The following PLEKHM2 variants were observed in gnomAD, a reference collection of about 807,000 sequenced individuals.
The protein encoded by PLEKHM2 is pleckstrin homology domain-containing family M member 2.
A neutral mutation model predicts 116.3 loss-of-function variants in PLEKHM2; 77 were observed. That is an observed-to-expected ratio of 0.66 (90% confidence interval 0.55 to 0.80). PLEKHM2 has a LOEUF of 0.80. Ranked by LOEUF, PLEKHM2 falls within the 30% of genes least tolerant of loss-of-function variation. PLEKHM2 has a pLI of 0.00. For synonymous variants in PLEKHM2, 562 were observed against 571.0 expected (o/e 0.98, Z 0.22); for missense variants, 1,183 against 1,354.9 (o/e 0.87, Z 1.99).
rs377297774 is a variant in PLEKHM2 at position 15,729,084 on chromosome 1, C to T, written c.1987-18C>T. 496 of 1,598,062 alleles carry T rather than the reference C, an allele frequency of 3.1e-4. 2 individuals carry two copies. Among genetic ancestry groups the T allele is most frequent in the African/African-American group, 2.9e-3 (217 of 74,750 alleles). ...GCAGCTAAGCCCCAAGTGCATGTCA[C>T]GGTGTGGTTTCTGGCAGGTTGGCCT... On this transcript the variant is annotated intron_variant, in intron 12 of 19. Transcript: ENST00000375799. This position sits in a 1 kb window ranked among gnomAD's most constrained non-coding sequence, Gnocchi z 4.7.
intron 1 of PLEKHM2, among the ~76,000 whole-genome samples, chr1:15,711,342 G>A (rs1009211498): frequency 3.9e-5 from 6 of 151,928 alleles, no homozygotes; most frequent in Admixed American, 1.3e-4. Context: ...GTGGCCAACC[G>A]TGGTGGCTCA....
intron 1 of PLEKHM2, among the ~76,000 whole-genome samples, chr1:15,710,787 G>A (rs12760450): frequency 0.37 from 55,874 of 152,166 alleles, 13,407 homozygotes; most frequent in African/African-American, 0.68. Flanking sequence ...TTACATCACA[G>A]ATCAGCCAGG....
intron 1 of PLEKHM2, among the ~76,000 whole-genome samples, chr1:15,705,168 A>C (rs1571035898): frequency 8.4e-6 from 1 of 118,974 alleles, no homozygotes; most frequent in Non-Finnish European, 1.7e-5. Flanking sequence ...CCACGTAGAT[A>C]TCTTTTTTTT....
intron 1 of PLEKHM2, among the ~76,000 whole-genome samples, chr1:15,692,297 C>G (rs1018616162): frequency 2.0e-5 from 3 of 151,916 alleles, no homozygotes; most frequent in Non-Finnish European, 2.9e-5. Context: ...GTCACCAGGA[C>G]AAAGATTTAC....
intron 1 of PLEKHM2, among the ~76,000 whole-genome samples, chr1:15,708,801 T>C (rs889510873): frequency 2.1e-4 from 32 of 152,296 alleles, no homozygotes; most frequent in African/African-American, 7.7e-4. Context: ...GTTTAAAATC[T>C]GTCTCTGCCC....
intron 1 of PLEKHM2, among the ~76,000 whole-genome samples, chr1:15,698,696 C>T (rs1017408648): frequency 3.3e-5 from 5 of 151,608 alleles, no homozygotes; most frequent in Admixed American, 6.6e-5. Flanking sequence ...TACAGGTGCG[C>T]ACCACCACAC....
At chr1:15,716,033 G>C (rs1472881142) in intron 1 of PLEKHM2, among the ~76,000 whole-genome samples, 3 of 152,338 alleles carry the variant, frequency 2.0e-5, no homozygotes, top group Admixed American at 2.0e-4. Flanking sequence ...GGGGGACTGG[G>C]CTGTAAAGAT....
At chr1:15,731,114 G>A (rs930005186) in intron 15 of PLEKHM2, 78 bp from the exon 16 acceptor site, 1 of 1,046,682 alleles carries the variant, frequency 9.6e-7, no homozygotes, top group African/African-American at 1.6e-5. Flanking sequence ...TGCGTGGGAG[G>A]GGAACCCTGG....
rs750343422 is a variant in PLEKHM2 at position 15,732,543 on chromosome 1, G to A, written c.2805+14G>A. On this transcript the variant is annotated intron_variant, in intron 18 of 19. Transcript: ENST00000375799. ...TACTGCGTCTTGGTGAGCTTTGAGT[G>A]GGGGCGGGGCTGCAAGGCCTGCAGA... 7 of 1,607,792 alleles carry A rather than the reference G, an allele frequency of 4.4e-6. No homozygotes were observed. In the Admixed American group the frequency reaches 6.8e-5, roughly 16 times the overall value.
intron 1 of PLEKHM2, among the ~76,000 whole-genome samples, chr1:15,695,960 G>A (rs957168371): frequency 2.1e-5 from 3 of 144,904 alleles, no homozygotes; most frequent in Non-Finnish European, 4.5e-5. Context: ...GCACCACCAC[G>A]TCCAACTAAT....
In PLEKHM2 at chr1:15,731,931, TC is replaced by T; in HGVS notation, c.2509del (p.Arg837GlyfsTer17). 1 of 1,611,420 alleles carries T rather than the reference TC, an allele frequency of 6.2e-7. No individual in the cohort carries two copies. The highest frequency in any genetic ancestry group is 8.5e-7 in the Non-Finnish European group (1 of 1,179,320). On this transcript the variant is annotated frameshift_variant, in exon 17 of 20. Transcript: ENST00000375799. LOFTEE classifies it high-confidence loss of function. ...GCTGCCGGAGAGCCAACACCACGGA[TC>T]GGCCCCACGCCTTCCAGGTCATTCT... ...GGCRRANTTD[R>X]PHAFQVILSD...
chr1:15,734,089 C>T lies in PLEKHM2; in HGVS notation c.*155C>T, dbSNP rs754045311. 56 of 800,510 alleles carry T rather than the reference C, an allele frequency of 7.0e-5. No homozygotes were observed. The highest frequency in any genetic ancestry group is 1.0e-4 in the Non-Finnish European group (55 of 527,006). The allele number at this position is 800,510 out of a possible 1,614,324, so 49.6% of individuals were successfully genotyped here. On this transcript the variant is annotated 3_prime_UTR_variant, in exon 20 of 20. Transcript: ENST00000375799. ...AGTGTGGCTTAAGACAGGGTCCCTC[C>T]ACTCCAGGGATCCAGATCAGGTGCC...
intron 8 of PLEKHM2, 152 bp downstream of exon 8, chr1:15,725,697 T>C (rs1394157797): frequency 1.6e-6 from 1 of 616,650 alleles, no homozygotes; most frequent in Non-Finnish European, 2.9e-6. Flanking sequence ...GGAGGTTCTT[T>C]GAGCAAGAGG....
chr1:15,695,983 T>A (rs1233841815), intron 1 of PLEKHM2, among the ~76,000 whole-genome samples: 141 of 65,072 alleles, frequency 2.2e-3, no homozygotes, highest in Middle Eastern at 6.4e-3. Flanking sequence ...TTTCTATATT[T>A]TTTTTTTTTT....
intron 1 of PLEKHM2, among the ~76,000 whole-genome samples, chr1:15,701,524 T>G (rs978899202): frequency 6.6e-6 from 1 of 152,116 alleles, no homozygotes; most frequent in Non-Finnish European, 1.5e-5. Flanking sequence ...GCACGGTGGC[T>G]CACGCCTGTA....
intron 5 of PLEKHM2, 145 bp downstream of exon 5, chr1:15,718,770 C>G: frequency 3.2e-6 from 2 of 619,314 alleles, no homozygotes. Context: ...TTTTTTTGGG[C>G]GAGGGAAAGG....
intron 6 of PLEKHM2, chr1:15,720,967 G>A (rs1451250756): frequency 5.3e-6 from 1 of 187,050 alleles, no homozygotes; most frequent in East Asian, 1.4e-4. Context: ...TGCAACTGCA[G>A]CTGCCAGGGC....
chr1:15,692,715 G>A (rs927972630), intron 1 of PLEKHM2, among the ~76,000 whole-genome samples: 5 of 151,702 alleles, frequency 3.3e-5, no homozygotes, highest in African/African-American at 7.3e-5. Context: ...GGGGTTACAG[G>A]TGCAAGCCAC....
At chr1:15,705,041 TG>T (rs1641194469) in intron 1 of PLEKHM2, among the ~76,000 whole-genome samples, 1 of 152,076 alleles carries the variant, frequency 6.6e-6, no homozygotes, top group Non-Finnish European at 1.5e-5. Context: ...AACGCAGCCC[TG>T]GCGGCTCAGT....
Sources: gnomAD v4.1 joint callset for allele counts (sites outside exome capture counted in the v4.1 genomes callset) on GRCh38, gnomAD v4.1.1 for gene constraint, Gnocchi (gnomAD v3.1) non-coding constraint, MANE v1.5 for transcripts, NCBI Gene and HGNC (gene_info 2026-07-23, HGNC 2026-07-21) for gene names.